The following CBLN2 variants were observed in gnomAD, a reference collection of about 807,000 sequenced individuals.
CBLN2 encodes the protein cerebellin 2 precursor.
A neutral mutation model predicts 15.0 loss-of-function variants in CBLN2; 7 were observed. The observed-to-expected ratio is 0.47, with a 90% CI of 0.27 to 0.88. The LOEUF is 0.88. CBLN2 is among the 40% of genes least tolerant of loss of function. The pLI, the probability that CBLN2 is intolerant of heterozygous loss-of-function variation, is 0.14. For missense variants in CBLN2, 242 were observed against 304.5 expected (o/e 0.79, Z 1.53); for synonymous variants, 149 against 135.2 (o/e 1.10, Z -0.71).
At chr18:72,556,475 T>C (rs368560599) in intron 1 of CBLN2, among the ~76,000 whole-genome samples, 1 of 151,968 alleles carries the variant, frequency 6.6e-6, no homozygotes, top group Non-Finnish European at 1.5e-5. Context: ...AAAACACAGA[T>C]AGAAAGAAAG....
intron 1 of CBLN2, among the ~76,000 whole-genome samples, chr18:72,634,705 G>T (rs376758495): frequency 3.4e-4 from 51 of 152,232 alleles, no homozygotes; most frequent in Admixed American, 9.8e-4. Context: ...GTGGCCAGGA[G>T]ATATTTCTAC....
At chr18:72,559,203 T>G (rs967536226) in intron 1 of CBLN2, among the ~76,000 whole-genome samples, 1 of 152,242 alleles carries the variant, frequency 6.6e-6, no homozygotes, top group African/African-American at 2.4e-5. Context: ...CAGGCAGCAA[T>G]GCACTTGATG....
intron 1 of CBLN2, among the ~76,000 whole-genome samples, chr18:72,615,134 A>C (rs1024763028): frequency 6.4e-4 from 87 of 136,896 alleles, no homozygotes; most frequent in Middle Eastern, 3.6e-3. Context: ...TAAATATATT[A>C]TATAAATAAA....
At chr18:72,538,420 C>T in intron 4 of CBLN2, 47 bp from the exon 5 acceptor site, 1 of 1,588,686 alleles carries the variant, frequency 6.3e-7, no homozygotes, top group Admixed American at 1.7e-5. Context: ...GCACCCAACT[C>T]CCACACACTG....
chr18:72,558,603 A>G (rs1416521218), intron 1 of CBLN2, among the ~76,000 whole-genome samples: 1 of 152,184 alleles, frequency 6.6e-6, no homozygotes, highest in Non-Finnish European at 1.5e-5. Flanking sequence ...TTCACTCCCC[A>G]TAAATTGTGA....
intron 1 of CBLN2, among the ~76,000 whole-genome samples, chr18:72,571,152 A>G (rs1403033969): frequency 6.6e-6 from 1 of 152,194 alleles, no homozygotes; most frequent in African/African-American, 2.4e-5. Flanking sequence ...AAAATAAGAG[A>G]AAGTGAAGCA....
intron 1 of CBLN2, among the ~76,000 whole-genome samples, chr18:72,584,452 C>T (rs1224190041): frequency 6.6e-6 from 1 of 152,062 alleles, no homozygotes; most frequent in Non-Finnish European, 1.5e-5. Context: ...CAGGTGCATG[C>T]CACCATGCCC....
At chr18:72,638,311 G>T (rs763129222) in intron 1 of CBLN2, 22 of 398,444 alleles carry the variant, frequency 5.5e-5, no homozygotes, top group South Asian at 1.3e-4. Context: ...CTAGCCTAAA[G>T]TTTTAACACG....
At chr18:72,627,611 G>T (rs1019526609) in intron 1 of CBLN2, among the ~76,000 whole-genome samples, 5 of 152,212 alleles carry the variant, frequency 3.3e-5, no homozygotes, top group Non-Finnish European at 7.3e-5. Context: ...CCATGAGGCC[G>T]AGGGGCAGAT....
At chr18:72,607,695 TTC>T (rs2069592353) in intron 1 of CBLN2, among the ~76,000 whole-genome samples, 1 of 115,112 alleles carries the variant, frequency 8.7e-6, no homozygotes, top group Admixed American at 7.8e-5. Flanking sequence ...CTCTCTCTCT[TTC>T]TCTCTTTCTC....
At chr18:72,578,406 C>T (rs1189168798) in intron 1 of CBLN2, among the ~76,000 whole-genome samples, 1 of 152,068 alleles carries the variant, frequency 6.6e-6, no homozygotes, top group South Asian at 2.1e-4. Context: ...GAGACACCAC[C>T]ACCGCAGAAT....
intron 1 of CBLN2, chr18:72,620,490 C>T (rs1381513650): frequency 1.3e-5 from 2 of 152,276 alleles, no homozygotes; most frequent in Non-Finnish European, 2.9e-5. Context: ...CAAGTCTTCC[C>T]TCTGAAGTCA....
intron 1 of CBLN2, among the ~76,000 whole-genome samples, chr18:72,592,343 G>T (rs1305442750): frequency 1.3e-5 from 2 of 151,510 alleles, no homozygotes; most frequent in South Asian, 2.1e-4. Flanking sequence ...TTTTTAAATA[G>T]AATTATTGCA....
chr18:72,614,310 C>T lies in CBLN2; in HGVS notation c.15+24015G>A, dbSNP rs187241265. Among the ~76,000 whole-genome samples, 423 of 152,212 alleles carry T rather than the reference C, an allele frequency of 2.8e-3. 4 individuals carry two copies. The highest frequency in any genetic ancestry group is 9.8e-3 in the African/African-American group (407 of 41,552). On this transcript the variant is annotated intron_variant, in intron 1 of 2. Transcript: ENST00000581073. ...TTCAGAATTAAAATAGGTAACACAT[C>T]GAACTTTTGTAGTCTCTATTTATGT...
intron 3 of CBLN2, 39 bp downstream of exon 3, chr18:72,541,765 C>G (rs1209313671): frequency 8.7e-6 from 13 of 1,490,042 alleles, no homozygotes; most frequent in Non-Finnish European, 1.2e-5. Flanking sequence ...CCGCCCCTCT[C>G]CCCGGGCTGG....
intron 1 of CBLN2, among the ~76,000 whole-genome samples, chr18:72,577,918 C>T (rs766149754): frequency 6.6e-6 from 1 of 152,204 alleles, no homozygotes; most frequent in Non-Finnish European, 1.5e-5. Context: ...TTTCAAGTCT[C>T]ATTCTGATCA....
At chr18:72,550,994 C>T (rs561763831) in intron 1 of CBLN2, among the ~76,000 whole-genome samples, 10 of 151,992 alleles carry the variant, frequency 6.6e-5, no homozygotes, top group Non-Finnish European at 1.5e-4. Context: ...TAATGCAGGG[C>T]ACAGTGTAAG....
chr18:72,590,795 A>G (rs914559516), intron 1 of CBLN2, among the ~76,000 whole-genome samples: 4 of 152,202 alleles, frequency 2.6e-5, no homozygotes, highest in African/African-American at 9.6e-5. Flanking sequence ...CCTTCTCATT[A>G]CTAATTACCT....
chr18:72,632,233 T>C (rs1488419889), intron 1 of CBLN2, among the ~76,000 whole-genome samples: 6 of 152,134 alleles, frequency 3.9e-5, no homozygotes, highest in African/African-American at 7.2e-5. Context: ...TTTAACATCA[T>C]TCATACAAAT....
Sources: allele counts gnomAD v4.1 joint callset (sites outside exome capture counted in the v4.1 genomes callset), GRCh38; gene constraint gnomAD v4.1.1; transcripts MANE v1.5; gene names NCBI Gene and HGNC (gene_info 2026-07-23, HGNC 2026-07-21).